The following WDHD1 variants were observed in gnomAD, a reference collection of about 807,000 sequenced individuals.
WDHD1 encodes the protein WD repeat and HMG-box DNA binding protein 1, also known as WD repeat and HMG-box DNA-binding protein 1.
In WDHD1, 111 loss-of-function variants were observed where a neutral mutation model predicts 135.4. The observed-to-expected ratio is 0.82, with a 90% CI of 0.70 to 0.96. The LOEUF is 0.96. Among genes scored for constraint, WDHD1 ranks in the 40% least tolerant of loss-of-function variants. WDHD1 has a pLI of 0.00. For missense variants in WDHD1, 1,351 were observed against 1,336.3 expected, an observed-to-expected ratio of 1.01 and a Z score of -0.17; for synonymous variants, 434 against 439.0, an observed-to-expected ratio of 0.99 and a Z score of 0.14.
chr14:55,026,749 T>C lies in WDHD1; in HGVS notation c.39A>G (p.Thr13=). The part of the protein sequence containing the change: ...ATRKPMRYGH[T]EGHTEVCFDD... The stretch of plus-strand genomic sequence containing the variant: ...CAAAACAGACCTCCGTGTGTCCCTC[T>C]GTATGCCCATATCTCATTGGCTTCC... Residue 13 remains threonine, a synonymous_variant, in exon 2 of 26, where the codon ACA becomes ACG. Coordinates refer to ENST00000360586, the MANE Select transcript of WDHD1 (RefSeq NM_007086.4). 6.2e-7 allele frequency: 1 copy of C among 1,614,258 alleles called. No homozygotes were observed. Among genetic ancestry groups the C allele is most frequent in the Non-Finnish European group, 8.5e-7 (1 of 1,180,040 alleles).
At chr14:54,983,295 C>T (rs1205201264) in intron 15 of WDHD1, among the ~76,000 whole-genome samples, 1 of 151,858 alleles carries the variant, frequency 6.6e-6, no homozygotes, top group Non-Finnish European at 1.5e-5. Context: ...ATGTGAGCCA[C>T]AAGTGTAATT....
In WDHD1 at chr14:54,963,183, AAG is replaced by A. The variant is rs1491568927; in HGVS notation, c.2311-13_2311-12del. 1.2e-4 allele frequency: 28 copies of A among 226,396 alleles called. No individual in the cohort carries two copies. The highest frequency in any genetic ancestry group is 2.0e-4 in the African/African-American group (3 of 14,752). 14.0% of individuals were successfully genotyped at this position (226,396 alleles called of 1,614,324 possible). A position where few individuals can be genotyped will look rare whatever the true frequency, so the allele number is the denominator to read the frequency against. On this transcript the variant is annotated splice_polypyrimidine_tract_variant and intron_variant, in intron 18 of 25. Transcript: ENST00000360586. ...CAGTTTACAAGAAAGCTAATCCAAA[AAG>A]GGGGGGGGGGGGGAGATCAAATAAC...
chr14:54,957,016 G>C lies in WDHD1; in HGVS notation c.2916+18C>G. ...ATCCCATGCTGCTTACTGCAGATGA[G>C]GGTAGCTGAAACAGTACCTGCTTAG... is the stretch of plus-strand genomic sequence containing the variant. On this transcript the variant is annotated intron_variant, in intron 23 of 25. Transcript: ENST00000360586. 1 of 1,610,004 alleles carries C rather than the reference G, an allele frequency of 6.2e-7. No individual in the cohort carries two copies. The highest frequency in any genetic ancestry group is 8.5e-7 in the Non-Finnish European group (1 of 1,177,820).
intron 25 of WDHD1, among the ~76,000 whole-genome samples, chr14:54,942,108 G>A (rs539119792): frequency 5.9e-5 from 9 of 151,968 alleles, no homozygotes; most frequent in African/African-American, 2.2e-4. Context: ...AAAATTAGCC[G>A]GGCATGGTAG....
chr14:54,955,598 G>T lies in WDHD1; in HGVS notation c.3013C>A (p.Pro1005Thr). 1 of 1,591,576 alleles carries T rather than the reference G, an allele frequency of 6.3e-7. No individual in the cohort carries two copies. Residue 1005 changes from proline to threonine, a missense_variant, in exon 24 of 26, where the codon CCA becomes ACA. Coordinates refer to ENST00000360586, the MANE Select transcript of WDHD1 (RefSeq NM_007086.4). The stretch of plus-strand genomic sequence containing the variant: ...GTGTTTTGAGGAGGACATATAGCTG[G>T]GGTTTCAGATAATACATTTTTAAGA... The part of the protein sequence containing the change: ...ENLKNVLSET[P>T]AICPPQNTEN...
chr14:54,956,213 T>C (rs1014194873), intron 23 of WDHD1, among the ~76,000 whole-genome samples: 1 of 152,164 alleles, frequency 6.6e-6, no homozygotes, highest in Non-Finnish European at 1.5e-5. Context: ...CCATGTACAA[T>C]ATCAGCCACT....
intron 15 of WDHD1, 87 bp from the exon 16 acceptor site, chr14:54,981,783 T>C (rs2041622794): frequency 3.8e-6 from 3 of 780,806 alleles, no homozygotes; most frequent in Non-Finnish European, 5.9e-6. Context: ...ATACCAAGGA[T>C]TCAACTTTGC....
chr14:54,942,158 G>A (rs2040849329), intron 25 of WDHD1, among the ~76,000 whole-genome samples: 1 of 152,036 alleles, frequency 6.6e-6, no homozygotes, highest in Non-Finnish European at 1.5e-5. Context: ...GGCTGAGGCA[G>A]GAGACTAGAG....
chr14:54,973,751 A>G (rs1442322605), intron 16 of WDHD1, among the ~76,000 whole-genome samples: 1 of 152,148 alleles, frequency 6.6e-6, no homozygotes, highest in Non-Finnish European at 1.5e-5. Context: ...TTGCCTAAAC[A>G]TTTTTTTCTA....
intron 24 of WDHD1, among the ~76,000 whole-genome samples, chr14:54,947,527 C>T (rs1184845175): frequency 6.6e-6 from 1 of 152,116 alleles, no homozygotes. Context: ...TTATTTTTCT[C>T]CCTGGACTGT....
intron 16 of WDHD1, among the ~76,000 whole-genome samples, chr14:54,968,631 AAAG>A (rs1319337837): frequency 2.0e-5 from 3 of 152,282 alleles, no homozygotes; most frequent in South Asian, 4.1e-4. Flanking sequence ...TTAACAAAGA[AAAG>A]AAGAGGGAAG....
chr14:54,993,927 T>C (rs892992974), intron 11 of WDHD1, among the ~76,000 whole-genome samples: 2 of 152,230 alleles, frequency 1.3e-5, no homozygotes, highest in Non-Finnish European at 2.9e-5. Context: ...TTTTAGAGTA[T>C]AAAGGCTACT....
chr14:54,942,439 G>C (rs1483332152), intron 25 of WDHD1, among the ~76,000 whole-genome samples: 1 of 151,994 alleles, frequency 6.6e-6, no homozygotes, highest in East Asian at 1.9e-4. Context: ...AACTGACATT[G>C]AAACAATCCC....
At chr14:54,958,921 C>T (rs879399256) in intron 21 of WDHD1, among the ~76,000 whole-genome samples, 5 of 152,194 alleles carry the variant, frequency 3.3e-5, no homozygotes, top group Admixed American at 3.3e-4. Flanking sequence ...CTTCCCTGAG[C>T]TCCTGATTCA....
intron 18 of WDHD1, among the ~76,000 whole-genome samples, chr14:54,965,117 A>G (rs1472434985): frequency 1.3e-5 from 2 of 152,194 alleles, no homozygotes; most frequent in African/African-American, 4.8e-5. Context: ...CAATTTTAAA[A>G]TTAAAAGTCT....
intron 24 of WDHD1, among the ~76,000 whole-genome samples, chr14:54,954,909 A>G (rs2041126972): frequency 6.6e-6 from 1 of 152,004 alleles, no homozygotes; most frequent in African/African-American, 2.4e-5. Flanking sequence ...TTGTATTTTT[A>G]ATAGAGACAG....
intron 24 of WDHD1, among the ~76,000 whole-genome samples, chr14:54,945,908 A>T (rs765050592): frequency 1.3e-5 from 2 of 152,184 alleles, no homozygotes; most frequent in East Asian, 3.9e-4. Context: ...AATCCTAAAT[A>T]AAAAGTCTAA....
At chr14:55,014,671 CAAAAAA>C (rs2042231228) in intron 2 of WDHD1, among the ~76,000 whole-genome samples, 10 of 151,100 alleles carry the variant, frequency 6.6e-5, no homozygotes, top group African/African-American at 2.4e-4. Flanking sequence ...TACACACATA[CAAAAAA>C]GCAAATAAAA....
At chr14:55,004,841 C>A (rs890215866) in intron 7 of WDHD1, 1 of 502,986 alleles carries the variant, frequency 2.0e-6, no homozygotes, top group Non-Finnish European at 3.9e-6. Context: ...TGTTCCTATG[C>A]ATTCAGTGGT....
Sources: gnomAD v4.1 joint callset for allele counts (sites outside exome capture counted in the v4.1 genomes callset) on GRCh38, gnomAD v4.1.1 for gene constraint, MANE v1.5 for transcripts, NCBI Gene and HGNC (gene_info 2026-07-23, HGNC 2026-07-21) for gene names.